Variants in TMPRSS12 observed in about 807,000 individuals in gnomAD.
TMPRSS12 encodes transmembrane serine protease 12.
Under a neutral mutation model 26.0 loss-of-function variants are expected in TMPRSS12, and 25 were observed. The ratio of observed to expected loss-of-function variants is 0.96; its 90% CI spans 0.70 to 1.34. The LOEUF is 1.34. Ranked by LOEUF, TMPRSS12 falls within the 40% of genes most tolerant of loss-of-function variation. The probability of loss-of-function intolerance (pLI) is 0.00; values close to 1 mark genes in which losing one functional copy is unlikely to be tolerated. For missense variants in TMPRSS12, 441 were observed against 440.1 expected (o/e 1.00, Z -0.02); for synonymous variants, 150 against 161.7 (o/e 0.93, Z 0.55).
At chr12:50,879,549 T>G (rs1938145190) in intron 3 of TMPRSS12, among the ~76,000 whole-genome samples, 1 of 152,224 alleles carries the variant, frequency 6.6e-6, no homozygotes, top group Admixed American at 6.5e-5. Context: ...GTAATTTTAT[T>G]GGCCTCCCTG....
At chr12:50,875,406 G>A (rs142956881) in intron 3 of TMPRSS12, among the ~76,000 whole-genome samples, 25 of 146,064 alleles carry the variant, frequency 1.7e-4, no homozygotes, top group East Asian at 6.2e-4. Context: ...CAGGAGAATC[G>A]CTTGAACGTG....
intron 2 of TMPRSS12, among the ~76,000 whole-genome samples, chr12:50,857,817 C>T (rs2554851): frequency 0.43 from 41,080 of 96,598 alleles, 6,154 homozygotes; most frequent in Non-Finnish European, 0.52. Flanking sequence ...TCGTTGTTGT[C>T]GTTGTTGTTG....
At chr12:50,864,400 T>A (rs1054264370) in intron 3 of TMPRSS12, among the ~76,000 whole-genome samples, 1 of 152,084 alleles carries the variant, frequency 6.6e-6, no homozygotes, top group South Asian at 2.1e-4. Flanking sequence ...TTAAATATAA[T>A]AACTGAAATT....
chr12:50,880,598 C>G (rs146007175), intron 3 of TMPRSS12, among the ~76,000 whole-genome samples: 1 of 152,076 alleles, frequency 6.6e-6, no homozygotes, highest in Non-Finnish European at 1.5e-5. Flanking sequence ...TATGCACTTA[C>G]CCTGTTAAGC....
intron 3 of TMPRSS12, among the ~76,000 whole-genome samples, chr12:50,865,194 A>AT (rs1250295997): frequency 6.6e-6 from 1 of 151,976 alleles, no homozygotes; most frequent in African/African-American, 2.4e-5. Context: ...TTAGCCAGGC[A>AT]TGGTGGTGGG....
At chr12:50,846,123 A>G (rs2139718428) in intron 2 of TMPRSS12, among the ~76,000 whole-genome samples, 1 of 152,294 alleles carries the variant, frequency 6.6e-6, no homozygotes, top group South Asian at 2.1e-4. Context: ...TTGATACACA[A>G]AAGCTTTTAA....
chr12:50,847,612 C>T (rs985711208), intron 2 of TMPRSS12, among the ~76,000 whole-genome samples: 3 of 151,870 alleles, frequency 2.0e-5, no homozygotes, highest in African/African-American at 7.3e-5. Context: ...GATGACAGAA[C>T]CTGCTGGGTG....
At chr12:50,875,264 C>T (rs576228450) in intron 3 of TMPRSS12, among the ~76,000 whole-genome samples, 62 of 151,928 alleles carry the variant, frequency 4.1e-4, no homozygotes, top group Non-Finnish European at 7.4e-4. Flanking sequence ...CCAAGGTGGG[C>T]GGATCACTTG....
At chr12:50,861,742 G>A (rs958177311) in intron 3 of TMPRSS12, among the ~76,000 whole-genome samples, 12 of 151,476 alleles carry the variant, frequency 7.9e-5, no homozygotes, top group Admixed American at 6.6e-4. Context: ...ATAACTAAAC[G>A]ATGAAGTCAG....
chr12:50,843,178 G>C (rs1324247865), intron 1 of TMPRSS12, 27 bp downstream of exon 1: 1 of 1,525,548 alleles, frequency 6.6e-7, no homozygotes, highest in Non-Finnish European at 8.8e-7. Context: ...CCTGTCTCTG[G>C]GGAGCCTCTC....
At chr12:50,885,808 A>G in intron 4 of TMPRSS12, 1 of 335,090 alleles carries the variant, frequency 3.0e-6, no homozygotes, top group Non-Finnish European at 5.3e-6. Flanking sequence ...GGCACACATC[A>G]CTATGCCCGG....
intron 4 of TMPRSS12, chr12:50,885,675 TG>T: frequency 1.7e-6 from 1 of 585,030 alleles, no homozygotes; most frequent in South Asian, 2.2e-5. Flanking sequence ...TTTTTTTATT[TG>T]AGATAGTCTC....
At chr12:50,872,310 G>A (rs1206989240) in intron 3 of TMPRSS12, among the ~76,000 whole-genome samples, 2 of 150,400 alleles carry the variant, frequency 1.3e-5, no homozygotes, top group African/African-American at 2.5e-5. Context: ...TCAGGAGATC[G>A]AGACCATCCT....
chr12:50,854,931 GACA>G (rs1252420945), intron 2 of TMPRSS12, among the ~76,000 whole-genome samples: 13 of 151,248 alleles, frequency 8.6e-5, no homozygotes, highest in Admixed American at 8.6e-4. Context: ...TCAAATTACC[GACA>G]ACATTTTACA....
chr12:50,850,371 G>A (rs544613069), intron 2 of TMPRSS12, among the ~76,000 whole-genome samples: 5 of 152,260 alleles, frequency 3.3e-5, no homozygotes, highest in East Asian at 1.9e-4. Context: ...TTAAGGCCAG[G>A]AGTTCAAGAC....
At position 50,873,313 on chromosome 12, in the gene TMPRSS12, AC is replaced by A. The variant is rs112142049; in HGVS notation, c.653-11931del. Among the ~76,000 whole-genome samples the A allele has an allele frequency of 9.1e-3, 1,381 of 152,222 alleles. 17 individuals are homozygous for A. Among genetic ancestry groups the A allele is most frequent in the African/African-American group, 0.032 (1,341 of 41,530 alleles). ...GAATTTACTCTTGTAACCAAACACC[AC>A]CTGTACTCCAATAACCTATGGAAAA... On this transcript the variant is annotated intron_variant, in intron 3 of 4. Coordinates refer to ENST00000398458, the MANE Select transcript of TMPRSS12 (RefSeq NM_182559.3).
At chr12:50,869,736 T>C (rs1204333081) in intron 3 of TMPRSS12, among the ~76,000 whole-genome samples, 1 of 152,020 alleles carries the variant, frequency 6.6e-6, no homozygotes, top group African/African-American at 2.4e-5. Flanking sequence ...TGAACATAGG[T>C]GCTAAAACCC....
At chr12:50,853,804 A>G (rs150754208) in intron 2 of TMPRSS12, among the ~76,000 whole-genome samples, 1 of 152,270 alleles carries the variant, frequency 6.6e-6, no homozygotes, top group African/African-American at 2.4e-5. Context: ...TGAACAGACC[A>G]ATAACAAGTT....
intron 3 of TMPRSS12, among the ~76,000 whole-genome samples, chr12:50,868,294 G>A (rs1358073024): frequency 2.0e-5 from 3 of 152,174 alleles, no homozygotes; most frequent in African/African-American, 7.2e-5. Context: ...AAGTAAAGGA[G>A]TGGAAAAAGG....
Sources: allele counts gnomAD v4.1 joint callset (sites outside exome capture counted in the v4.1 genomes callset), GRCh38; gene constraint gnomAD v4.1.1; transcripts MANE v1.5; gene names NCBI Gene and HGNC (gene_info 2026-07-23, HGNC 2026-07-21).